FOXP2: variants seen among roughly 807,000 people sequenced by gnomAD.
FOXP2 encodes the protein forkhead box P2.
FOXP2 carries 12 observed loss-of-function variants against 115.8 expected under a neutral mutation model. The ratio of observed to expected loss-of-function variants is 0.10; its 90% CI spans 0.07 to 0.17. The LOEUF is 0.17. FOXP2 is among the 10% of genes least tolerant of loss of function. FOXP2 has a pLI of 1.00. For missense variants in FOXP2, 629 were observed against 843.5 expected (o/e 0.75, Z 3.15); for synonymous variants, 328 against 297.7 (o/e 1.10, Z -1.05).
intron 2 of FOXP2, among the ~76,000 whole-genome samples, chr7:114,428,245 A>G (rs1306518207): frequency 6.6e-6 from 1 of 151,656 alleles, no homozygotes; most frequent in Non-Finnish European, 1.5e-5. Flanking sequence ...ATGATAGGTT[A>G]TGAAAAAATG....
intron 3 of FOXP2, among the ~76,000 whole-genome samples, chr7:114,571,808 G>A (rs138301633): frequency 7.3e-4 from 111 of 151,842 alleles, no homozygotes; most frequent in Middle Eastern, 6.8e-3. Flanking sequence ...AGGGACTTGG[G>A]CAATTATGGA....
chr7:114,525,263 A>C (rs942468525), intron 2 of FOXP2, among the ~76,000 whole-genome samples: 5 of 152,204 alleles, frequency 3.3e-5, no homozygotes, highest in Non-Finnish European at 7.4e-5. Context: ...CGAATTCCAA[A>C]AGTCTTCGCC....
At chr7:114,615,870 A>G (rs1016493434) in intron 3 of FOXP2, among the ~76,000 whole-genome samples, 1 of 152,110 alleles carries the variant, frequency 6.6e-6, no homozygotes, top group Non-Finnish European at 1.5e-5. Flanking sequence ...CTATCAGTTC[A>G]TGGTCCTTTT....
intron 1 of FOXP2, among the ~76,000 whole-genome samples, chr7:114,149,661 TAAA>T (rs1792478696): frequency 1.3e-5 from 2 of 151,880 alleles, no homozygotes; most frequent in South Asian, 4.1e-4. Flanking sequence ...TCTTTCAAAA[TAAA>T]AAAGAAATGA....
chr7:114,140,102 G>A (rs1333607258), intron 1 of FOXP2, among the ~76,000 whole-genome samples: 3 of 152,002 alleles, frequency 2.0e-5, no homozygotes, highest in Non-Finnish European at 4.4e-5. Flanking sequence ...GACAAAGTGC[G>A]ACTGTGTTTC....
intron 2 of FOXP2, among the ~76,000 whole-genome samples, chr7:114,480,358 ACTGGAAAGTTGT>A (rs1184365465): frequency 2.6e-5 from 4 of 151,676 alleles, no homozygotes; most frequent in Non-Finnish European, 4.4e-5. Context: ...CAAAATCACT[ACTGGAAAGTTGT>A]CTAGAAAAGC....
chr7:114,396,214 A>T, intron 2 of FOXP2, among the ~76,000 whole-genome samples: 1 of 151,656 alleles, frequency 6.6e-6, no homozygotes, highest in East Asian at 1.9e-4. Context: ...CTCTATCTCC[A>T]TGAATTCAAT....
chr7:114,527,317 T>A (rs1357207307), intron 2 of FOXP2, among the ~76,000 whole-genome samples: 1 of 152,118 alleles, frequency 6.6e-6, no homozygotes, highest in Non-Finnish European at 1.5e-5. Context: ...GGGTATATAT[T>A]GTACCTTGGG....
chr7:114,656,482 C>G (rs996033791), intron 10 of FOXP2: 8 of 451,846 alleles, frequency 1.8e-5, no homozygotes, highest in African/African-American at 1.4e-4. Context: ...GATGTTTCTG[C>G]GTTTCTCAAA....
chr7:114,087,496 C>T (rs912022884), upstream of FOXP2, among the ~76,000 whole-genome samples: 1 of 151,958 alleles, frequency 6.6e-6, no homozygotes, highest in Non-Finnish European at 1.5e-5. Flanking sequence ...GGAGCGCAGA[C>T]ACCTTTCGGT....
chr7:114,446,779 C>T (rs1412106178), intron 2 of FOXP2, among the ~76,000 whole-genome samples: 2 of 144,192 alleles, frequency 1.4e-5, no homozygotes, highest in Non-Finnish European at 1.5e-5. Context: ...GAGTCTCATT[C>T]TGTAGCTCAG....
At chr7:114,581,053 A>T (rs1179201707) in intron 3 of FOXP2, among the ~76,000 whole-genome samples, 1 of 143,758 alleles carries the variant, frequency 7.0e-6, no homozygotes, top group Non-Finnish European at 1.5e-5. Flanking sequence ...GGCCAATAGA[A>T]GATACACTCA....
intron 2 of FOXP2, among the ~76,000 whole-genome samples, chr7:114,512,865 TGAGGTCAA>T (rs1195359020): frequency 6.6e-6 from 1 of 152,064 alleles, no homozygotes; most frequent in Non-Finnish European, 1.5e-5. Context: ...AGGTTGATCA[TGAGGTCAA>T]GAGATCGATA....
At chr7:114,556,703 G>A (rs1356562869) in intron 3 of FOXP2, among the ~76,000 whole-genome samples, 1 of 152,190 alleles carries the variant, frequency 6.6e-6, no homozygotes, top group African/African-American at 2.4e-5. Context: ...TCCATGGTCA[G>A]TTCTTCTATG....
chr7:114,458,546 C>CTTTTT (rs1177402028), intron 2 of FOXP2, among the ~76,000 whole-genome samples: 821 of 113,150 alleles, frequency 7.3e-3, no homozygotes, highest in East Asian at 9.7e-3. Flanking sequence ...ATTTTCTTTT[C>CTTTTT]TTTTTTTTTT....
chr7:114,251,602 G>A (rs182432761), intron 1 of FOXP2, among the ~76,000 whole-genome samples: 4 of 151,582 alleles, frequency 2.6e-5, no homozygotes, highest in Non-Finnish European at 4.4e-5. Context: ...TCTGTTATTG[G>A]TGTATAAGAA....
At chr7:114,621,656 T>C (rs747301371) in intron 3 of FOXP2, among the ~76,000 whole-genome samples, 3 of 151,960 alleles carry the variant, frequency 2.0e-5, no homozygotes, top group Non-Finnish European at 2.9e-5. Flanking sequence ...TTCTTCGAAG[T>C]TGATGTTTTC....
chr7:114,120,958 T>C (rs1454632974), intron 1 of FOXP2, among the ~76,000 whole-genome samples: 3 of 151,908 alleles, frequency 2.0e-5, no homozygotes, highest in African/African-American at 7.3e-5. Context: ...GGGGGAAGAA[T>C]ACAGGACACC....
chr7:114,358,126 G>A (rs1791658491), intron 2 of FOXP2, among the ~76,000 whole-genome samples: 1 of 152,098 alleles, frequency 6.6e-6, no homozygotes, highest in Non-Finnish European at 1.5e-5. Flanking sequence ...TTCCCATGCT[G>A]TTCTCATGAT....
Sources: allele counts gnomAD v4.1 joint callset (sites outside exome capture counted in the v4.1 genomes callset), GRCh38; gene constraint gnomAD v4.1.1; transcripts MANE v1.5; gene names NCBI Gene and HGNC (gene_info 2026-07-23, HGNC 2026-07-21).